Variants in NRXN1 observed in about 807,000 individuals in gnomAD.
NRXN1 encodes neurexin-1.
NRXN1 carries 39 observed loss-of-function variants against 150.9 expected under a neutral mutation model. The ratio of observed to expected loss-of-function variants is 0.26; its 90% confidence interval spans 0.20 to 0.34. NRXN1 has a LOEUF of 0.34. Ranked by LOEUF, NRXN1 falls within the 10% of genes least tolerant of loss-of-function variation. NRXN1 has a pLI of 1.00. For missense variants in NRXN1, 1,815 were observed against 1,949.9 expected (o/e 0.93, Z 1.30); for synonymous variants, 924 against 757.0 (o/e 1.22, Z -3.62).
chr2:50,397,189 T>A (rs539762525), intron 17 of NRXN1, among the ~76,000 whole-genome samples: 4 of 152,164 alleles, frequency 2.6e-5, no homozygotes, highest in Non-Finnish European at 4.4e-5. Flanking sequence ...GAGAATCTGG[T>A]CGATGCATTT....
At chr2:50,607,979 T>C (rs574466670) in intron 8 of NRXN1, among the ~76,000 whole-genome samples, 1 of 151,942 alleles carries the variant, frequency 6.6e-6, no homozygotes, top group African/African-American at 2.4e-5. Context: ...GATGAGAAGA[T>C]CCTGACTTCC....
intron 5 of NRXN1, among the ~76,000 whole-genome samples, chr2:50,626,150 C>G (rs1412257704): frequency 1.3e-5 from 2 of 151,820 alleles, no homozygotes; most frequent in Non-Finnish European, 2.9e-5. Context: ...AATTATTTGG[C>G]TTAATAAGAG....
At chr2:50,967,256 A>G (rs1224064624) in intron 2 of NRXN1, among the ~76,000 whole-genome samples, 1 of 152,026 alleles carries the variant, frequency 6.6e-6, no homozygotes, top group Non-Finnish European at 1.5e-5. Flanking sequence ...CTTAAAAGAC[A>G]ATATAGATTT....
intron 17 of NRXN1, among the ~76,000 whole-genome samples, chr2:50,396,876 C>T (rs917264417): frequency 6.6e-5 from 10 of 152,012 alleles, no homozygotes; most frequent in African/African-American, 9.7e-5. Flanking sequence ...ACATAGAAGA[C>T]GAGTATTTTT....
At chr2:50,083,885 G>C (rs61014556) in intron 19 of NRXN1, among the ~76,000 whole-genome samples, 51,336 of 151,434 alleles carry the variant, frequency 0.34, 9,877 homozygotes, top group African/African-American at 0.51. Context: ...AATCCCTTAG[G>C]TAGACATAAA....
At chr2:50,505,243 A>C (rs770427001) in intron 13 of NRXN1, among the ~76,000 whole-genome samples, 26 of 152,172 alleles carry the variant, frequency 1.7e-4, no homozygotes, top group Non-Finnish European at 2.6e-4. Context: ...ACAAAAAAAT[A>C]AACGTAGGTT....
chr2:50,713,627 C>A (rs1469093332), intron 5 of NRXN1, among the ~76,000 whole-genome samples: 1 of 152,042 alleles, frequency 6.6e-6, no homozygotes, highest in East Asian at 1.9e-4. Flanking sequence ...TTCCACTTGA[C>A]AAATCTATAA....
chr2:50,215,564 A>G (rs899221848), intron 18 of NRXN1, among the ~76,000 whole-genome samples: 2 of 152,048 alleles, frequency 1.3e-5, no homozygotes, highest in African/African-American at 4.8e-5. Context: ...TTATCCTTTT[A>G]TTAGTCATGC....
intron 5 of NRXN1, among the ~76,000 whole-genome samples, chr2:50,817,266 G>T (rs889441719): frequency 1.3e-5 from 2 of 151,960 alleles, no homozygotes; most frequent in African/African-American, 4.8e-5. Context: ...TCCAGAAAAA[G>T]TATATAAATT....
chr2:50,351,162 G>A lies in NRXN1; in HGVS notation c.3365-114192C>T, dbSNP rs147831396. 9.0e-3 allele frequency among the ~76,000 whole-genome samples: 1,375 copies of A among 152,280 alleles called. 12 individuals are homozygous for A. The highest frequency in any genetic ancestry group is 0.014 in the Non-Finnish European group (975 of 68,002). The stretch of plus-strand genomic sequence containing the variant: ...TTGTTATCTAAGGGAAACTGAGGCA[G>A]AATCTCACAAATTGTTCTCAGGTGA... On this transcript the variant is annotated intron_variant, in intron 17 of 22. Transcript: ENST00000401669.
chr2:50,487,014 T>A (rs1015551657), intron 15 of NRXN1, among the ~76,000 whole-genome samples: 2 of 152,206 alleles, frequency 1.3e-5, no homozygotes, highest in African/African-American at 4.8e-5. Context: ...AATTTCTATT[T>A]AGTATTACTA....
chr2:50,052,835 A>G (rs1291626602), intron 21 of NRXN1, among the ~76,000 whole-genome samples: 1 of 152,152 alleles, frequency 6.6e-6, no homozygotes, highest in East Asian at 1.9e-4. Flanking sequence ...TCAAAATACT[A>G]TAGAAGTATT....
At chr2:50,099,272 G>C (rs1252186750) in intron 18 of NRXN1, among the ~76,000 whole-genome samples, 3 of 152,026 alleles carry the variant, frequency 2.0e-5, no homozygotes, top group Non-Finnish European at 4.4e-5. Context: ...TAGGAAAAAA[G>C]CCTGGTGTAT....
intron 17 of NRXN1, among the ~76,000 whole-genome samples, chr2:50,341,923 A>T (rs1458923165): frequency 6.6e-6 from 1 of 152,176 alleles, no homozygotes; most frequent in East Asian, 1.9e-4. Context: ...TTATGCTTGG[A>T]AACTATGTAT....
At position 49,943,759 on chromosome 2, in the gene NRXN1, C is replaced by G; in HGVS notation, c.4161G>C (p.Glu1387Asp). Residue 1387 changes from glutamate to aspartate, a missense_variant, in exon 22 of 23, where the codon GAG (glutamate) becomes GAC (aspartate). Glu to Asp is a conservative substitution (Grantham distance 45). Coordinates refer to ENST00000401669, the MANE Select transcript of NRXN1 (RefSeq NM_001330078.2). ...TTDDILVASA[E>D]CPSDDEDIDP... ...CAATGTCCTCATCATCGCTGGGACA[C>G]TCTGCTGAGGCCACAAGGATGTCAT... 1 of 1,612,236 alleles carries G rather than the reference C, an allele frequency of 6.2e-7. No individual in the cohort carries two copies.
At chr2:50,906,853 A>G (rs1683761526) in intron 5 of NRXN1, among the ~76,000 whole-genome samples, 2 of 152,106 alleles carry the variant, frequency 1.3e-5, no homozygotes, top group African/African-American at 2.4e-5. Context: ...CATGTGGATT[A>G]CATGTGTTGC....
At chr2:50,547,107 C>T (rs1178763595) in intron 9 of NRXN1, among the ~76,000 whole-genome samples, 1 of 152,106 alleles carries the variant, frequency 6.6e-6, no homozygotes, top group Non-Finnish European at 1.5e-5. Flanking sequence ...GTACCTTTCC[C>T]ACTGTAATAT....
intron 17 of NRXN1, among the ~76,000 whole-genome samples, chr2:50,406,877 T>C (rs2082783640): frequency 6.6e-6 from 1 of 152,056 alleles, no homozygotes; most frequent in South Asian, 2.1e-4. Context: ...CTATGCAGCA[T>C]TCCTTTTTCA....
chr2:50,750,597 T>C (rs1272926822), intron 5 of NRXN1, among the ~76,000 whole-genome samples: 2 of 151,728 alleles, frequency 1.3e-5, no homozygotes, highest in African/African-American at 4.8e-5. Context: ...ATAATAATAA[T>C]AAAAAAAGAA....
Sources: gnomAD v4.1 joint callset for allele counts (sites outside exome capture counted in the v4.1 genomes callset) on GRCh38, gnomAD v4.1.1 for gene constraint, MANE v1.5 for transcripts, NCBI Gene and HGNC (gene_info 2026-07-23, HGNC 2026-07-21) for gene names.